Variants in ALDH1L1 observed in about 807,000 individuals in gnomAD.
ALDH1L1 encodes cytosolic 10-formyltetrahydrofolate dehydrogenase.
ALDH1L1 carries 68 observed loss-of-function variants against 101.1 expected under a neutral mutation model. The ratio of observed to expected loss-of-function variants is 0.67; its 90% CI spans 0.55 to 0.82. The LOEUF is 0.82. Among genes scored for constraint, ALDH1L1 ranks in the 40% least tolerant of loss-of-function variants. The pLI is 0.00. For synonymous variants in ALDH1L1, 486 were observed against 470.8 expected (o/e 1.03, Z -0.42); for missense variants, 1,087 against 1,172.7 (o/e 0.93, Z 1.07).
chr3:126,162,815 T>C (rs772298493), intron 1 of ALDH1L1, among the ~76,000 whole-genome samples: 8 of 152,220 alleles, frequency 5.3e-5, no homozygotes, highest in Non-Finnish European at 1.2e-4. Flanking sequence ...TCTTTATTGT[T>C]TTGCCTTTTA....
intron 20 of ALDH1L1, among the ~76,000 whole-genome samples, 171 bp downstream of exon 20, chr3:126,109,773 T>C (rs1946016268): frequency 6.6e-6 from 1 of 152,230 alleles, no homozygotes; most frequent in African/African-American, 2.4e-5. Context: ...CGGGTCTGGC[T>C]GGTGCCCAAA....
At chr3:126,105,587 A>G (rs1374997824) in intron 22 of ALDH1L1, 139 bp downstream of exon 22, 4 of 980,444 alleles carry the variant, frequency 4.1e-6, no homozygotes, top group Non-Finnish European at 6.4e-6. Context: ...GTTCCCTCCC[A>G]GTAAGAAGCG....
intron 1 of ALDH1L1, among the ~76,000 whole-genome samples, chr3:126,191,744 T>C (rs1328407087): frequency 1.3e-5 from 2 of 152,172 alleles, no homozygotes; most frequent in African/African-American, 4.8e-5. Flanking sequence ...TGCCTTAGAG[T>C]GAAACTTTCT....
At chr3:126,178,958 G>A (rs560016288) in intron 1 of ALDH1L1, among the ~76,000 whole-genome samples, 1 of 152,132 alleles carries the variant, frequency 6.6e-6, no homozygotes, top group Admixed American at 6.5e-5. Flanking sequence ...AAATAAAAGA[G>A]TATGTCGTTC....
At chr3:126,123,381 C>T (rs1479847535) in intron 16 of ALDH1L1, among the ~76,000 whole-genome samples, 2 of 151,906 alleles carry the variant, frequency 1.3e-5, no homozygotes, top group African/African-American at 2.4e-5. Context: ...CCTCAGCCTC[C>T]AGAGTAGCTG....
intron 2 of ALDH1L1, chr3:126,159,663 C>T (rs757114529): frequency 1.3e-5 from 5 of 390,616 alleles, no homozygotes; most frequent in South Asian, 9.6e-5. Flanking sequence ...TGCTTCAGGA[C>T]ATCTGAGATC....
intron 19 of ALDH1L1, chr3:126,110,360 CA>C (rs1341155196): frequency 1.8e-6 from 1 of 552,924 alleles, no homozygotes; most frequent in Non-Finnish European, 3.2e-6. Context: ...TGGAGACATA[CA>C]GGGGTGTGGG....
At chr3:126,114,855 A>G in intron 17 of ALDH1L1, 199 bp from the exon 18 acceptor site, 2 of 598,808 alleles carry the variant, frequency 3.3e-6, no homozygotes, top group Non-Finnish European at 6.0e-6. Context: ...TGTACACACC[A>G]GGCCTGTGCC....
Position 126,113,495 on chromosome 3 carries a change from G to A in ALDH1L1, c.2083-615C>T, listed in dbSNP as rs147916934. On this transcript the variant is annotated intron_variant, in intron 18 of 22. Coordinates refer to ENST00000393434, the MANE Select transcript of ALDH1L1 (RefSeq NM_012190.4). ...TGCTGTGGGAGACCCAGGGGAGGACGGAGAGCCATGGTCAAGCCTGGCTCT... is the reference window on the plus strand; with the variant it reads ...TGCTGTGGGAGACCCAGGGGAGGACAGAGAGCCATGGTCAAGCCTGGCTCT... Among the ~76,000 whole-genome samples, 444 of 152,256 alleles carry A rather than the reference G, an allele frequency of 2.9e-3. 2 individuals are homozygous for A. Among genetic ancestry groups the A allele is most frequent in the Non-Finnish European group, 5.0e-3 (341 of 68,016 alleles).
intron 17 of ALDH1L1, chr3:126,115,547 G>C (rs550866641): frequency 1.4e-5 from 2 of 147,970 alleles, no homozygotes; most frequent in Non-Finnish European, 3.0e-5. Flanking sequence ...GCATGATTTC[G>C]TTTTTTAGTT....
At chr3:126,172,367 C>G in intron 1 of ALDH1L1, among the ~76,000 whole-genome samples, 1 of 151,574 alleles carries the variant, frequency 6.6e-6, no homozygotes, top group East Asian at 1.9e-4. Context: ...GTCATGTAAG[C>G]AGAGAGATGG....
At chr3:126,183,900 G>T (rs1329661783), upstream of ALDH1L1, among the ~76,000 whole-genome samples, 1 of 152,208 alleles carries the variant, frequency 6.6e-6, no homozygotes. Flanking sequence ...GCTTTGAGGG[G>T]ATGTTTGGAG....
chr3:126,145,838 A>AT (rs991910003), intron 9 of ALDH1L1, among the ~76,000 whole-genome samples: 24 of 152,196 alleles, frequency 1.6e-4, no homozygotes, highest in Non-Finnish European at 2.9e-4. Context: ...TTTTTGCCAC[A>AT]TTTTTTTTAA....
chr3:126,159,769 G>A (rs2081002704), intron 2 of ALDH1L1, among the ~76,000 whole-genome samples: 1 of 152,216 alleles, frequency 6.6e-6, no homozygotes, highest in South Asian at 2.1e-4. Context: ...GACCCAGGCT[G>A]TGGTGGGGTC....
intron 18 of ALDH1L1, among the ~76,000 whole-genome samples, 166 bp downstream of exon 18, chr3:126,114,391 T>C (rs565741338): frequency 2.0e-5 from 3 of 152,336 alleles, no homozygotes; most frequent in Non-Finnish European, 4.4e-5. Flanking sequence ...GCACACGTCA[T>C]TCTTCCCTAA....
intron 1 of ALDH1L1, among the ~76,000 whole-genome samples, chr3:126,167,091 A>G (rs2081184097): frequency 6.6e-6 from 1 of 152,228 alleles, no homozygotes; most frequent in Admixed American, 6.5e-5. Context: ...AAATCCAACC[A>G]TAAATTCAAG....
intron 14 of ALDH1L1, among the ~76,000 whole-genome samples, chr3:126,126,392 C>G (rs112195939): frequency 0.024 from 3,583 of 152,274 alleles, 132 homozygotes; most frequent in African/African-American, 0.082. Context: ...TTTGGTTGAG[C>G]GCTGGACAGT....
intron 2 of ALDH1L1, chr3:126,159,305 C>A: frequency 2.5e-6 from 1 of 398,286 alleles, no homozygotes; most frequent in South Asian, 1.9e-5. Context: ...ACCAGCACAC[C>A]CTCCTCACAG....
chr3:126,115,172 A>C (rs116717245), intron 17 of ALDH1L1: 7,525 of 432,974 alleles, frequency 0.017, 136 homozygotes, highest in Non-Finnish European at 0.022. Context: ...CCGCTGGCAC[A>C]GCTGCAGGGG....
Sources: allele counts gnomAD v4.1 joint callset (sites outside exome capture counted in the v4.1 genomes callset), GRCh38; gene constraint gnomAD v4.1.1; transcripts MANE v1.5; gene names NCBI Gene and HGNC (gene_info 2026-07-23, HGNC 2026-07-21).